FLI1: variants seen among roughly 807,000 people sequenced by gnomAD.
FLI1 encodes the protein Fli-1 proto-oncogene, ETS transcription factor.
FLI1 carries 13 observed loss-of-function variants against 53.1 expected under a neutral mutation model. The ratio of observed to expected loss-of-function variants is 0.24; its 90% confidence interval spans 0.16 to 0.39. The LOEUF is 0.39. Among genes scored for constraint, FLI1 ranks in the 10% least tolerant of loss-of-function variants. The probability of loss-of-function intolerance (pLI) is 1.00; values close to 1 mark genes in which losing one functional copy is unlikely to be tolerated. For missense variants in FLI1, 424 were observed against 600.5 expected (o/e 0.71, Z 3.07); for synonymous variants, 244 against 236.7 (o/e 1.03, Z -0.28).
chr11:128,721,323 T>C (rs1037221761), intron 1 of FLI1, among the ~76,000 whole-genome samples: 3 of 152,036 alleles, frequency 2.0e-5, no homozygotes, highest in Non-Finnish European at 4.4e-5. Flanking sequence ...AATATAGGGA[T>C]GGAAGAATGG....
In FLI1 at chr11:128,711,667, C is replaced by T. The variant is rs142470049; in HGVS notation, c.18+17391C>T. 8.1e-3 allele frequency among the ~76,000 whole-genome samples: 1,234 copies of T among 152,198 alleles called. 10 individuals are homozygous for T. Among genetic ancestry groups the T allele is most frequent in the Non-Finnish European group, 0.013 (898 of 68,016 alleles). ...AAGGAATCCCTATTATACATAATGGCGATTTCAGTTTCTCCATTTGCAAAA... is the reference window on the plus strand; with the variant it reads ...AAGGAATCCCTATTATACATAATGGTGATTTCAGTTTCTCCATTTGCAAAA... On this transcript the variant is annotated intron_variant, in intron 1 of 8. Coordinates refer to ENST00000527786, the MANE Select transcript of FLI1 (RefSeq NM_002017.5).
chr11:128,752,303 A>G (rs1186630868), intron 1 of FLI1, among the ~76,000 whole-genome samples: 1 of 152,224 alleles, frequency 6.6e-6, no homozygotes, highest in Non-Finnish European at 1.5e-5. Context: ...CTTTGTCCCA[A>G]GAACTTCAGG....
At chr11:128,722,753 G>A (rs1277206021) in intron 1 of FLI1, among the ~76,000 whole-genome samples, 3 of 152,214 alleles carry the variant, frequency 2.0e-5, no homozygotes, top group African/African-American at 4.8e-5. Context: ...CAGAGCCTGG[G>A]GAATGAGGGA....
intron 1 of FLI1, among the ~76,000 whole-genome samples, chr11:128,728,569 T>C (rs1168131000): frequency 1.3e-5 from 2 of 152,228 alleles, no homozygotes; most frequent in Admixed American, 6.5e-5. Context: ...TTCTATGCCT[T>C]CTCTTGTCCA....
At position 128,811,490 on chromosome 11, in the gene FLI1, T is replaced by C. The variant is rs1272759784; in HGVS notation, c.*502T>C. The C allele has an allele frequency of 4.3e-6, 1 of 234,440 alleles. No homozygotes were observed. The highest frequency in any genetic ancestry group is 8.3e-6 in the Non-Finnish European group (1 of 119,916). 14.5% of individuals were successfully genotyped at this position (234,440 alleles called of 1,614,324 possible). On this transcript the variant is annotated 3_prime_UTR_variant, in exon 9 of 9. Transcript: ENST00000527786. ...TGGATGGCAACTGGAACATTGATTG[T>C]AAGGCCAGTGAAGTTTTCACCCAAC...
At chr11:128,759,502 A>C (rs1941028415) in intron 2 of FLI1, among the ~76,000 whole-genome samples, 1 of 152,246 alleles carries the variant, frequency 6.6e-6, no homozygotes, top group Admixed American at 6.5e-5. Context: ...TTCGGAACTA[A>C]GTGATGATAG....
intron 5 of FLI1, among the ~76,000 whole-genome samples, chr11:128,784,485 C>T (rs948160431): frequency 9.2e-5 from 14 of 152,106 alleles, no homozygotes; most frequent in African/African-American, 3.1e-4. Flanking sequence ...CAGGTGGTGC[C>T]GGCATTTATC....
chr11:128,741,317 C>T (rs1475857623), intron 1 of FLI1, among the ~76,000 whole-genome samples: 1 of 152,176 alleles, frequency 6.6e-6, no homozygotes, highest in South Asian at 2.1e-4. Context: ...CGCTTGAACC[C>T]GGGAGGCAGA....
At chr11:128,772,726 C>G in intron 3 of FLI1, 56 bp from the exon 4 acceptor site, 1 of 1,466,334 alleles carries the variant, frequency 6.8e-7, no homozygotes, top group Non-Finnish European at 9.6e-7. Flanking sequence ...TGCCTAGGCT[C>G]TCAGGGAGCC....
At chr11:128,793,279 GAGA>G (rs1372213041) in intron 5 of FLI1, among the ~76,000 whole-genome samples, 2 of 151,864 alleles carry the variant, frequency 1.3e-5, no homozygotes, top group African/African-American at 2.4e-5. Flanking sequence ...GGTTCCCAAG[GAGA>G]AGAAGGAAGA....
intron 2 of FLI1, chr11:128,764,578 G>T (rs1565488185): frequency 4.4e-6 from 6 of 1,370,334 alleles, no homozygotes; most frequent in East Asian, 2.6e-5. Flanking sequence ...TAGCAGCAGT[G>T]CAGGCAAGCT....
At chr11:128,741,255 T>A (rs1331107295) in intron 1 of FLI1, among the ~76,000 whole-genome samples, 1 of 151,998 alleles carries the variant, frequency 6.6e-6, no homozygotes, top group Non-Finnish European at 1.5e-5. Context: ...TAGCCAGGTG[T>A]GGTCATGGGC....
chr11:128,794,606 T>C (rs537324298), intron 5 of FLI1, among the ~76,000 whole-genome samples: 4 of 152,366 alleles, frequency 2.6e-5, no homozygotes, highest in African/African-American at 9.6e-5. Context: ...TTTTTATAGA[T>C]TGAATAACTC....
chr11:128,765,589 T>TG (rs1941308512), intron 2 of FLI1, among the ~76,000 whole-genome samples: 1 of 152,220 alleles, frequency 6.6e-6, no homozygotes, highest in Admixed American at 6.5e-5. Context: ...CCTCTTGCTC[T>TG]GGGGGTCCTC....
intron 1 of FLI1, among the ~76,000 whole-genome samples, chr11:128,741,871 A>C (rs1940152348): frequency 1.3e-5 from 2 of 151,806 alleles, no homozygotes; most frequent in South Asian, 4.2e-4. Context: ...TGGGATGCTG[A>C]GTGGGGGAGG....
intron 1 of FLI1, among the ~76,000 whole-genome samples, chr11:128,716,163 A>G (rs1180165461): frequency 3.9e-5 from 6 of 152,252 alleles, no homozygotes; most frequent in Non-Finnish European, 5.9e-5. Context: ...AATGCAGCCC[A>G]TTTAGGAATC....
chr11:128,790,633 T>C (rs1261652657), intron 5 of FLI1, among the ~76,000 whole-genome samples: 1 of 152,226 alleles, frequency 6.6e-6, no homozygotes, highest in African/African-American at 2.4e-5. Flanking sequence ...TTCCTCAAAT[T>C]ATTGGAAACA....
At chr11:128,758,373 C>T (rs1441533610) in intron 2 of FLI1, 47 bp downstream of exon 2, 1 of 1,529,238 alleles carries the variant, frequency 6.5e-7, no homozygotes, top group Non-Finnish European at 9.0e-7. Context: ...CACAAAGTCG[C>T]CAGATCTGCA....
At chr11:128,808,707 A>C (rs1942855575) in intron 7 of FLI1, among the ~76,000 whole-genome samples, 7 of 149,934 alleles carry the variant, frequency 4.7e-5, no homozygotes, top group Admixed American at 4.0e-4. Flanking sequence ...GTTTCTAGGC[A>C]TGTGTTTTTC....
Sources: allele counts gnomAD v4.1 joint callset (sites outside exome capture counted in the v4.1 genomes callset), GRCh38; gene constraint gnomAD v4.1.1; transcripts MANE v1.5; gene names NCBI Gene and HGNC (gene_info 2026-07-23, HGNC 2026-07-21).